The following TBXAS1 variants were observed in gnomAD, a reference collection of about 807,000 sequenced individuals.
TBXAS1 encodes thromboxane A synthase 1, also known as thromboxane-A synthase.
TBXAS1 carries 48 observed loss-of-function variants against 60.7 expected under a neutral mutation model. The observed-to-expected ratio is 0.79, with a 90% CI of 0.63 to 1.01. The LOEUF is 1.01. Ranked by LOEUF, TBXAS1 falls within the 50% of genes least tolerant of loss-of-function variation. The pLI, the probability that TBXAS1 is intolerant of heterozygous loss-of-function variation, is 0.00. For missense variants in TBXAS1, 685 were observed against 686.3 expected (o/e 1.00, Z 0.02); for synonymous variants, 287 against 269.7 (o/e 1.06, Z -0.63).
chr7:139,780,916 T>G (rs1174941604), intron 2 of TBXAS1: 1 of 154,458 alleles, frequency 6.5e-6, no homozygotes, highest in African/African-American at 2.4e-5. Context: ...CTGACCAGTG[T>G]TCAGTAACTG....
In TBXAS1 at chr7:139,850,691, A is replaced by G. The variant is rs1161285226; in HGVS notation, c.89+21212A>G. On this transcript the variant is annotated intron_variant, in intron 1 of 12. Coordinates refer to ENST00000448866, the MANE Select transcript of TBXAS1 (RefSeq NM_001061.7). Reference sequence around the variant, plus strand: ...ACTGGATGACGGTGGTCCCTAATCCAGTGACTGGCATCCTTATAAGAAGAG... The same window carrying G: ...ACTGGATGACGGTGGTCCCTAATCCGGTGACTGGCATCCTTATAAGAAGAG... Among the ~76,000 whole-genome samples the G allele has an allele frequency of 2.6e-5, 4 of 152,254 alleles. No homozygotes were observed. The East Asian group carries it at 7.7e-4, about 29-fold the overall frequency.
intron 1 of TBXAS1, among the ~76,000 whole-genome samples, chr7:139,849,261 C>T (rs1800034439): frequency 6.6e-6 from 1 of 152,038 alleles, no homozygotes; most frequent in Admixed American, 6.5e-5. Flanking sequence ...CATCTGTGGT[C>T]CCAGCTACTC....
intron 4 of TBXAS1, among the ~76,000 whole-genome samples, chr7:139,822,567 C>T (rs1038195599): frequency 2.6e-5 from 4 of 152,196 alleles, no homozygotes; most frequent in East Asian, 1.9e-4. Flanking sequence ...TCGTGCTCAG[C>T]GTGCAGAACA....
intron 6 of TBXAS1, among the ~76,000 whole-genome samples, chr7:139,954,610 G>A (rs1207034482): frequency 1.3e-5 from 2 of 151,728 alleles, no homozygotes; most frequent in African/African-American, 4.8e-5. Context: ...ACAAAAATTG[G>A]CCTTTTAATT....
intron 4 of TBXAS1, among the ~76,000 whole-genome samples, chr7:139,815,092 C>T (rs1017219070): frequency 6.6e-6 from 1 of 152,194 alleles, no homozygotes; most frequent in Non-Finnish European, 1.5e-5. Context: ...AAACAGGATT[C>T]GAATCTCAAT....
In TBXAS1 at chr7:139,955,543, CT is replaced by C. The variant is rs1360131044; in HGVS notation, c.627del (p.Phe209LeufsTer2). On this transcript the variant is annotated frameshift_variant, in exon 7 of 13. Transcript: ENST00000448866. LOFTEE classifies it high-confidence loss of function. ...VDSWQAPEDP[F>X]VKHCKRFFEF... is the part of the protein sequence containing the mutation. ...ACTCCTGGCAGGCCCCTGAGGATCC[CT>C]TTGTGAAACACTGCAAGCGTTTCTT... 6.2e-7 allele frequency: 1 copy of C among 1,614,224 alleles called. No individual in the cohort carries two copies. Among genetic ancestry groups the C allele is most frequent in the Non-Finnish European group, 8.5e-7 (1 of 1,180,042 alleles).
intron 9 of TBXAS1, among the ~76,000 whole-genome samples, chr7:140,001,725 C>T (rs1813688419): frequency 6.6e-6 from 1 of 152,108 alleles, no homozygotes; most frequent in Admixed American, 6.5e-5. Context: ...GACCACAATA[C>T]CATTATCAAC....
At chr7:139,817,904 A>G (rs981910744) in intron 4 of TBXAS1, among the ~76,000 whole-genome samples, 20 of 152,200 alleles carry the variant, frequency 1.3e-4, no homozygotes, top group African/African-American at 4.6e-4. Context: ...GAGTGGTGCC[A>G]CCTACCTTCA....
intron 4 of TBXAS1, among the ~76,000 whole-genome samples, chr7:139,821,574 G>A (rs986864916): frequency 2.0e-5 from 3 of 152,206 alleles, no homozygotes; most frequent in Admixed American, 6.5e-5. Flanking sequence ...GAAGCAGAGC[G>A]ATAGCTCTGC....
chr7:139,942,202 T>C lies in TBXAS1; in HGVS notation c.450+5895T>C, dbSNP rs190038717. On this transcript the variant is annotated intron_variant, in intron 5 of 12. Transcript: ENST00000448866. Reference sequence around the variant, plus strand: ...CTACCAGGGAAAAGGATTTGAAATATGGAGGACCGAAAAGGCCCCATAGTC... The same window carrying C: ...CTACCAGGGAAAAGGATTTGAAATACGGAGGACCGAAAAGGCCCCATAGTC... 9.8e-5 allele frequency among the ~76,000 whole-genome samples: 15 copies of C among 152,358 alleles called. No homozygotes were observed. In the East Asian group the frequency reaches 2.9e-3, roughly 29 times the overall value.
chr7:139,804,299 T>C (rs930477985), intron 4 of TBXAS1, among the ~76,000 whole-genome samples: 1 of 152,198 alleles, frequency 6.6e-6, no homozygotes, highest in Non-Finnish European at 1.5e-5. Context: ...AGCTCCTTTG[T>C]TTTATGGCCA....
Position 139,911,206 on chromosome 7 carries a change from C to A in TBXAS1, c.237-19C>A. The stretch of plus-strand genomic sequence containing the variant: ...ATGGGTAATGCAACACATTTTAATG[C>A]ATTTTTTATTCCTCCCAGGTACTAT... On this transcript the variant is annotated intron_variant, in intron 3 of 12. Coordinates refer to ENST00000448866, the MANE Select transcript of TBXAS1 (RefSeq NM_001061.7). 6.2e-7 allele frequency: 1 copy of A among 1,607,778 alleles called. No homozygotes were observed. Among genetic ancestry groups the A allele is most frequent in the Non-Finnish European group, 8.5e-7 (1 of 1,174,284 alleles).
intron 4 of TBXAS1, among the ~76,000 whole-genome samples, chr7:139,912,551 G>T (rs1805613870): frequency 2.0e-5 from 3 of 152,168 alleles, no homozygotes; most frequent in Admixed American, 6.5e-5. Flanking sequence ...GCCAGGCACT[G>T]TGTAGGTGCT....
At chr7:139,867,679 G>A (rs1801522767) in intron 1 of TBXAS1, among the ~76,000 whole-genome samples, 1 of 152,062 alleles carries the variant, frequency 6.6e-6, no homozygotes, top group Non-Finnish European at 1.5e-5. Context: ...AATTAGCCTG[G>A]CGTGGTGGGC....
chr7:139,863,689 A>G (rs905667428), intron 1 of TBXAS1, among the ~76,000 whole-genome samples: 1 of 152,340 alleles, frequency 6.6e-6, no homozygotes, highest in African/African-American at 2.4e-5. Flanking sequence ...AACTAAACTA[A>G]TAACTTAAGA....
At chr7:139,811,725 T>G (rs932211473) in intron 4 of TBXAS1, among the ~76,000 whole-genome samples, 1 of 152,206 alleles carries the variant, frequency 6.6e-6, no homozygotes, top group African/African-American at 2.4e-5. Context: ...TGGTGAGGGA[T>G]ATTTTCTGAA....
chr7:139,827,893 C>T (rs1334908458), upstream of TBXAS1, among the ~76,000 whole-genome samples: 5 of 152,194 alleles, frequency 3.3e-5, no homozygotes, highest in African/African-American at 7.2e-5. Flanking sequence ...CCTGGTTCTT[C>T]TGTCTCACAG....
intron 3 of TBXAS1, among the ~76,000 whole-genome samples, chr7:139,905,028 T>TTTCTTTCTTTCA (rs1804914194): frequency 1.2e-5 from 1 of 83,302 alleles, no homozygotes; most frequent in Non-Finnish European, 2.3e-5. Context: ...TCTTTCTTTC[T>TTTCTTTCTTTCA]TTCTTTCTTT....
chr7:139,955,522 C>T lies in TBXAS1; in HGVS notation c.603C>T (p.Ser201=), dbSNP rs575820680. The T allele has an allele frequency of 6.2e-7, 1 of 1,614,220 alleles. No individual in the cohort carries two copies. The highest frequency in any genetic ancestry group is 1.3e-5 in the African/African-American group (1 of 75,064). ...TCGCCTTTGGCACCCCGGTGGACTCCTGGCAGGCCCCTGAGGATCCCTTTG... is the reference window on the plus strand; with the variant it reads ...TCGCCTTTGGCACCCCGGTGGACTCTTGGCAGGCCCCTGAGGATCCCTTTG... The part of the protein sequence containing the change: ...ASVAFGTPVD[S]WQAPEDPFVK... The change falls in exon 7 of 13, where the codon TCC becomes TCT. Residue 201 remains serine (S), a synonymous_variant. Coordinates refer to ENST00000448866, the MANE Select transcript of TBXAS1 (RefSeq NM_001061.7).
Sources: gnomAD v4.1 joint callset for allele counts (sites outside exome capture counted in the v4.1 genomes callset) on GRCh38, gnomAD v4.1.1 for gene constraint, MANE v1.5 for transcripts, NCBI Gene and HGNC (gene_info 2026-07-23, HGNC 2026-07-21) for gene names.